Variants in MAGI3 observed in about 807,000 individuals in gnomAD.
The protein encoded by MAGI3 is membrane-associated guanylate kinase, WW and PDZ domain-containing protein 3.
In MAGI3, 43 loss-of-function variants were observed where a neutral mutation model predicts 121.8. The observed-to-expected ratio is 0.35, with a 90% confidence interval of 0.28 to 0.46. The LOEUF (loss-of-function observed/expected upper bound fraction) is 0.46, where lower values mean the gene tolerates loss of function less well. MAGI3 is among the 20% of genes least tolerant of loss of function. The probability of loss-of-function intolerance (pLI) is 1.00; values close to 1 mark genes in which losing one functional copy is unlikely to be tolerated. For missense variants in MAGI3, 1,547 were observed against 1,797.3 expected, an observed-to-expected ratio of 0.86 and a Z score of 2.52; for synonymous variants, 553 against 639.3, an observed-to-expected ratio of 0.86 and a Z score of 2.04.
At chr1:113,524,382 C>T (rs1279695268) in intron 1 of MAGI3, among the ~76,000 whole-genome samples, 1 of 152,072 alleles carries the variant, frequency 6.6e-6, no homozygotes, top group African/African-American at 2.4e-5. Context: ...AGACACTCAA[C>T]ACCAGCCCAT....
chr1:113,530,494 G>A (rs2101639423), intron 1 of MAGI3, among the ~76,000 whole-genome samples: 1 of 151,936 alleles, frequency 6.6e-6, no homozygotes, highest in Middle Eastern at 3.4e-3. Context: ...ATACCTGTTG[G>A]GCACTATGCT....
intron 1 of MAGI3, among the ~76,000 whole-genome samples, chr1:113,522,471 T>A (rs1462737499): frequency 2.0e-5 from 3 of 152,220 alleles, no homozygotes; most frequent in African/African-American, 7.2e-5. Flanking sequence ...GACGCTGTGC[T>A]TTTTTACCAC....
chr1:113,524,455 T>C (rs1658361559), intron 1 of MAGI3, among the ~76,000 whole-genome samples: 2 of 152,070 alleles, frequency 1.3e-5, no homozygotes, highest in South Asian at 4.1e-4. Flanking sequence ...CCCAAGACCA[T>C]GGGAACCCAC....
chr1:113,413,674 C>G (rs973545240), intron 1 of MAGI3, among the ~76,000 whole-genome samples: 22 of 152,100 alleles, frequency 1.4e-4, no homozygotes, highest in Non-Finnish European at 2.9e-4. Context: ...ATTTGGCTCT[C>G]TGTTTGTCTG....
At chr1:113,587,180 T>G (rs1308092135) in intron 4 of MAGI3, among the ~76,000 whole-genome samples, 2 of 126,662 alleles carry the variant, frequency 1.6e-5, no homozygotes, top group African/African-American at 3.3e-5. Flanking sequence ...GTGTTGCTTT[T>G]GTTGTTTTTT....
intron 6 of MAGI3, among the ~76,000 whole-genome samples, chr1:113,605,693 G>A (rs1442449917): frequency 1.3e-5 from 2 of 151,946 alleles, no homozygotes; most frequent in African/African-American, 4.8e-5. Context: ...TCTGCCTCCT[G>A]GGTTCAAGCG....
intron 1 of MAGI3, among the ~76,000 whole-genome samples, chr1:113,410,643 G>T (rs1651925820): frequency 6.6e-6 from 1 of 151,648 alleles, no homozygotes; most frequent in South Asian, 2.1e-4. Flanking sequence ...GCCAAAAAAA[G>T]ATTTTTTTTT....
intron 6 of MAGI3, among the ~76,000 whole-genome samples, chr1:113,603,450 A>G (rs1051123532): frequency 2.6e-5 from 4 of 152,200 alleles, no homozygotes; most frequent in African/African-American, 7.2e-5. Context: ...TATCAATCCT[A>G]CTGAAACTAT....
intron 1 of MAGI3, among the ~76,000 whole-genome samples, chr1:113,396,287 TTGTGTG>T (rs3058309): frequency 4.8e-5 from 7 of 146,876 alleles, no homozygotes; most frequent in South Asian, 2.2e-4. Flanking sequence ...AATGTCAGGG[TTGTGTG>T]TGTGTGTGTG....
chr1:113,670,085 A>G (rs1647447617), intron 16 of MAGI3, among the ~76,000 whole-genome samples: 1 of 151,900 alleles, frequency 6.6e-6, no homozygotes. Context: ...TAAAGAGGAA[A>G]CACAACCCTC....
At position 113,654,029 on chromosome 1, in the gene MAGI3, T is replaced by C. The variant is rs1325158198; in HGVS notation, c.2629+11T>C. Reference sequence around the variant, plus strand: ...AACCACCTCCAGGAGGTAAGGGCTATTGTATCTTATTGTCTCTCCCTGCAA... The same window carrying C: ...AACCACCTCCAGGAGGTAAGGGCTACTGTATCTTATTGTCTCTCCCTGCAA... On this transcript the variant is annotated intron_variant, in intron 15 of 20. Coordinates refer to ENST00000307546, the MANE Select transcript of MAGI3 (RefSeq NM_001142782.2). 1.3e-6 allele frequency: 2 copies of C among 1,594,848 alleles called. No individual in the cohort carries two copies. The highest frequency in any genetic ancestry group is 2.7e-5 in the African/African-American group (2 of 74,036).
intron 1 of MAGI3, among the ~76,000 whole-genome samples, chr1:113,392,539 T>C (rs1650882437): frequency 6.6e-6 from 1 of 152,230 alleles, no homozygotes; most frequent in South Asian, 2.1e-4. Context: ...TGGGGCTTGA[T>C]GGTTTGTGGT....
At chr1:113,581,904 T>C (rs1648053027) in intron 3 of MAGI3, among the ~76,000 whole-genome samples, 1 of 152,160 alleles carries the variant, frequency 6.6e-6, no homozygotes, top group African/African-American at 2.4e-5. Context: ...AATACTGTAA[T>C]GAACAAGATT....
At chr1:113,601,627 C>G (rs908793426) in intron 6 of MAGI3, among the ~76,000 whole-genome samples, 1 of 148,560 alleles carries the variant, frequency 6.7e-6, no homozygotes, top group African/African-American at 2.5e-5. Flanking sequence ...GTTGGTGGGA[C>G]TGTAAACTAG....
intron 1 of MAGI3, among the ~76,000 whole-genome samples, chr1:113,393,569 C>T (rs1650938352): frequency 6.6e-6 from 1 of 152,080 alleles, no homozygotes; most frequent in Non-Finnish European, 1.5e-5. Flanking sequence ...AATGGCTTTG[C>T]TTAAAAGCAA....
chr1:113,683,848 A>G lies in MAGI3; in HGVS notation c.4280A>G (p.His1427Arg). 6.2e-7 allele frequency: 1 copy of G among 1,612,556 alleles called. No individual in the cohort carries two copies. Among genetic ancestry groups the G allele is most frequent in the Non-Finnish European group, 8.5e-7 (1 of 1,179,266 alleles). Reference sequence around the variant, plus strand: ...GTAGTTTCAAACAAAACAGAAGATCACAAAGGGAAAGAACTAGAGGCAGCT... The same window carrying G: ...GTAGTTTCAAACAAAACAGAAGATCGCAAAGGGAAAGAACTAGAGGCAGCT... The part of the protein sequence containing the change: ...EKVVSNKTED[H>R]KGKELEAADK... Residue 1427 changes from histidine to arginine, a missense_variant, in exon 21 of 21, where the codon CAC (histidine) becomes CGC (arginine). Transcript: ENST00000307546.
Position 113,651,086 on chromosome 1 carries a change from ATGTGCATTG to A in MAGI3, c.2321_2329del (p.Met774_Asp777delinsAsn), listed in dbSNP as rs769538298. 1.2e-6 allele frequency: 2 copies of A among 1,614,222 alleles called. No individual in the cohort carries two copies. Among genetic ancestry groups the A allele is most frequent in the Admixed American group, 3.3e-5 (2 of 60,022 alleles). On this transcript the variant is annotated inframe_deletion, in exon 14 of 21. Coordinates refer to ENST00000307546, the MANE Select transcript of MAGI3 (RefSeq NM_001142782.2). ...TCGGCTCCGCGCAGCTGATGAACTA[ATGTGCATTG>A]ATGGAATTCCTGTTAAAGGGAAATC...
intron 1 of MAGI3, among the ~76,000 whole-genome samples, chr1:113,545,168 T>C (rs1659475770): frequency 6.6e-6 from 1 of 151,900 alleles, no homozygotes; most frequent in African/African-American, 2.4e-5. Context: ...CAAAAAGGAA[T>C]AAAGTATATT....
At chr1:113,676,901 A>G (rs1045862655) in intron 19 of MAGI3, among the ~76,000 whole-genome samples, 3 of 152,198 alleles carry the variant, frequency 2.0e-5, no homozygotes, top group Non-Finnish European at 4.4e-5. Context: ...TTGAAAGAGT[A>G]AAATGTATGG....
Sources: gnomAD v4.1 joint callset for allele counts (sites outside exome capture counted in the v4.1 genomes callset) on GRCh38, gnomAD v4.1.1 for gene constraint, MANE v1.5 for transcripts, NCBI Gene and HGNC (gene_info 2026-07-23, HGNC 2026-07-21) for gene names.